Variants in LRRIQ3 observed in about 807,000 individuals in gnomAD.
LRRIQ3 encodes leucine-rich repeat and IQ domain-containing protein 3.
LRRIQ3 carries 75 observed loss-of-function variants against 59.3 expected under a neutral mutation model. The observed-to-expected ratio is 1.26, with a 90% CI of 1.05 to 1.53. LRRIQ3 has a LOEUF of 1.53. Ranked by LOEUF, LRRIQ3 falls within the 40% of genes most tolerant of loss-of-function variation. The pLI, the probability that LRRIQ3 is intolerant of heterozygous loss-of-function variation, is 0.00. For missense variants in LRRIQ3, 831 were observed against 710.0 expected (o/e 1.17, Z -1.94); for synonymous variants, 250 against 231.3 (o/e 1.08, Z -0.73).
intron 3 of LRRIQ3, among the ~76,000 whole-genome samples, chr1:74,170,396 T>C (rs540379851): frequency 6.6e-6 from 1 of 152,200 alleles, no homozygotes; most frequent in African/African-American, 2.4e-5. Flanking sequence ...TATCCAGTTT[T>C]CTCAACATCA....
chr1:74,185,758 A>G (rs946323265), intron 1 of LRRIQ3, among the ~76,000 whole-genome samples: 4 of 151,952 alleles, frequency 2.6e-5, no homozygotes, highest in Non-Finnish European at 5.9e-5. Context: ...CCTGGCTAAT[A>G]CGGTGAAACC....
chr1:74,090,426 T>A (rs1646382115), intron 5 of LRRIQ3, among the ~76,000 whole-genome samples: 2 of 151,964 alleles, frequency 1.3e-5, no homozygotes, highest in Admixed American at 6.6e-5. Context: ...TACATCAGAT[T>A]TAGTATTTAA....
chr1:74,100,925 C>A (rs1372956447), intron 5 of LRRIQ3, among the ~76,000 whole-genome samples: 1 of 152,134 alleles, frequency 6.6e-6, no homozygotes, highest in African/African-American at 2.4e-5. Context: ...GGATTAAAGA[C>A]TTAAATGTTA....
At chr1:74,060,312 TTCCTCC>T (rs368888459) in intron 6 of LRRIQ3, among the ~76,000 whole-genome samples, 6 of 149,656 alleles carry the variant, frequency 4.0e-5, no homozygotes, top group Non-Finnish European at 8.9e-5. Flanking sequence ...CCTCTTCTTC[TTCCTCC>T]TCCTCCTCCT....
chr1:74,184,196 G>A (rs559140273), intron 1 of LRRIQ3, among the ~76,000 whole-genome samples: 2 of 152,006 alleles, frequency 1.3e-5, no homozygotes, highest in Non-Finnish European at 2.9e-5. Flanking sequence ...AACAATATTT[G>A]TGTCTTACAG....
At chr1:74,184,044 G>A (rs954924750) in intron 1 of LRRIQ3, among the ~76,000 whole-genome samples, 2 of 151,834 alleles carry the variant, frequency 1.3e-5, no homozygotes, top group South Asian at 2.1e-4. Flanking sequence ...TATATAACTC[G>A]TATGATAATT....
chr1:74,055,209 T>TAC (rs1453302600), intron 6 of LRRIQ3, among the ~76,000 whole-genome samples: 5 of 112,690 alleles, frequency 4.4e-5, no homozygotes, highest in African/African-American at 1.5e-4. Context: ...TATATATATA[T>TAC]ATACACACAC....
chr1:74,167,013 A>G (rs1440624950), intron 3 of LRRIQ3, among the ~76,000 whole-genome samples: 1 of 152,036 alleles, frequency 6.6e-6, no homozygotes, highest in Non-Finnish European at 1.5e-5. Context: ...AATGTAAACT[A>G]TTACAACCAC....
At chr1:74,192,965 GA>G (rs1324612502) in intron 1 of LRRIQ3, among the ~76,000 whole-genome samples, 2 of 152,030 alleles carry the variant, frequency 1.3e-5, no homozygotes, top group Non-Finnish European at 2.9e-5. Context: ...TAACTCAAAT[GA>G]CCAGGCCCCA....
chr1:74,137,746 T>C (rs1042265042), intron 4 of LRRIQ3, among the ~76,000 whole-genome samples: 3 of 152,056 alleles, frequency 2.0e-5, no homozygotes, highest in African/African-American at 7.2e-5. Flanking sequence ...ATATACAACA[T>C]GGAATACTAT....
intron 5 of LRRIQ3, among the ~76,000 whole-genome samples, chr1:74,081,607 A>G (rs1168972524): frequency 6.6e-6 from 1 of 151,638 alleles, no homozygotes; most frequent in East Asian, 1.9e-4. Flanking sequence ...TAAGTAAAAG[A>G]AAGGACATGG....
At chr1:74,195,828 C>G (rs952190987) in intron 1 of LRRIQ3, among the ~76,000 whole-genome samples, 4 of 152,106 alleles carry the variant, frequency 2.6e-5, no homozygotes, top group Non-Finnish European at 5.9e-5. Flanking sequence ...TGGAAAAACT[C>G]TGTGGCGAAT....
chr1:74,031,515 A>G (rs1653712412), intron 7 of LRRIQ3, among the ~76,000 whole-genome samples: 1 of 151,788 alleles, frequency 6.6e-6, no homozygotes, highest in South Asian at 2.1e-4. Flanking sequence ...CACAAGGACA[A>G]AAAACCAAAC....
At chr1:74,099,146 G>C (rs1302701835) in intron 5 of LRRIQ3, among the ~76,000 whole-genome samples, 5 of 152,002 alleles carry the variant, frequency 3.3e-5, no homozygotes, top group Non-Finnish European at 7.4e-5. Context: ...CAATAAAATT[G>C]ATAGACCACT....
chr1:74,179,753 G>C (rs1649866476), intron 3 of LRRIQ3, among the ~76,000 whole-genome samples: 2 of 151,898 alleles, frequency 1.3e-5, no homozygotes, highest in African/African-American at 4.8e-5. Context: ...TATTCAAACA[G>C]ATTTCTTTAA....
intron 4 of LRRIQ3, among the ~76,000 whole-genome samples, chr1:74,136,216 G>A (rs1447481445): frequency 6.6e-6 from 1 of 151,858 alleles, no homozygotes; most frequent in Non-Finnish European, 1.5e-5. Flanking sequence ...TCTGTAACAA[G>A]TAAAGAAATT....
At chr1:74,187,535 T>A (rs1430120728) in intron 1 of LRRIQ3, among the ~76,000 whole-genome samples, 2 of 152,016 alleles carry the variant, frequency 1.3e-5, no homozygotes, top group Non-Finnish European at 2.9e-5. Flanking sequence ...AGCTAAGCTG[T>A]GAGGATGCAA....
intron 4 of LRRIQ3, among the ~76,000 whole-genome samples, chr1:74,141,898 A>T (rs944364738): frequency 3.3e-5 from 5 of 151,838 alleles, no homozygotes; most frequent in African/African-American, 1.2e-4. Context: ...GAGAGATTAA[A>T]CTGAGTTACC....
At chr1:74,027,019 A>T (rs1010222827) in intron 7 of LRRIQ3, 50 bp from the exon 8 acceptor site, 3 of 1,254,234 alleles carry the variant, frequency 2.4e-6, no homozygotes, top group Non-Finnish European at 3.3e-6. Flanking sequence ...AAATACTGAA[A>T]CCATGGCAAT....
Sources: allele counts gnomAD v4.1 joint callset (sites outside exome capture counted in the v4.1 genomes callset), GRCh38; gene constraint gnomAD v4.1.1; transcripts MANE v1.5; gene names NCBI Gene and HGNC (gene_info 2026-07-23, HGNC 2026-07-21).